The following GCFC2 variants were observed in gnomAD, a reference collection of about 807,000 sequenced individuals.
GCFC2 encodes intron Large complex component GCFC2.
GCFC2 carries 102 observed loss-of-function variants against 99.4 expected under a neutral mutation model. The observed-to-expected ratio is 1.03, with a 90% CI of 0.87 to 1.21. GCFC2 has a LOEUF of 1.21. GCFC2 is among the 50% of genes most tolerant of loss of function. The pLI is 0.00. For missense variants in GCFC2, 973 were observed against 920.9 expected (o/e 1.06, Z -0.73); for synonymous variants, 338 against 316.8 (o/e 1.07, Z -0.71).
At chr2:75,693,394 C>T (rs1023853774) in intron 6 of GCFC2, among the ~76,000 whole-genome samples, 4 of 152,080 alleles carry the variant, frequency 2.6e-5, no homozygotes, top group Non-Finnish European at 5.9e-5. Flanking sequence ...GAGCTGAGAT[C>T]GTGCTACTAC....
chr2:75,673,644 T>C (rs1679222308), intron 12 of GCFC2, 124 bp from the exon 13 acceptor site: 1 of 618,438 alleles, frequency 1.6e-6, no homozygotes, highest in Non-Finnish European at 2.9e-6. Flanking sequence ...AAAATAACTA[T>C]CAATTGGGTA....
chr2:75,699,168 A>T (rs1330102440), intron 4 of GCFC2, among the ~76,000 whole-genome samples: 1 of 152,208 alleles, frequency 6.6e-6, no homozygotes, highest in Non-Finnish European at 1.5e-5. Flanking sequence ...AGGTCTGAAA[A>T]GTCATGCAAT....
rs754466442 is a variant in GCFC2, at chr2:75,689,947, T to C, written c.1339+22A>G. The C allele has an allele frequency of 4.9e-6, 6 of 1,234,920 alleles. No individual in the cohort carries two copies. In the East Asian group the frequency reaches 1.4e-4, roughly 29 times the overall value. The allele number at this position is 1,234,920 out of a possible 1,614,324, so 76.5% of individuals were successfully genotyped here. A position where few individuals can be genotyped will look rare whatever the true frequency, so the allele number is the denominator to read the frequency against. ...CCATTTCAAAACTCAAACCATGATATATTAGAAACTTGGTAACTGACCTTG... is the reference window on the plus strand; with the variant it reads ...CCATTTCAAAACTCAAACCATGATACATTAGAAACTTGGTAACTGACCTTG... On this transcript the variant is annotated intron_variant, in intron 9 of 16. Transcript: ENST00000321027.
At position 75,689,976 on chromosome 2, in the gene GCFC2, T is replaced by G. The variant is rs1679989334; in HGVS notation, c.1332A>C (p.Lys444Asn). Residue 444 changes from lysine (K) to asparagine (N), a missense_variant, in exon 9 of 17, where the codon AAA becomes AAC. Transcript: ENST00000321027. ...AGAAACTTGGTAACTGACCTTGGCT[T>G]TTTTGGAAGTCAATCATCTCTGCTG... The part of the protein sequence containing the change: ...LPSAEMIDFQ[K>N]SQGDILQKQK... 6.4e-7 allele frequency: 1 copy of G among 1,573,214 alleles called. No homozygotes were observed. The highest frequency in any genetic ancestry group is 8.7e-7 in the Non-Finnish European group (1 of 1,148,398).
intron 11 of GCFC2, among the ~76,000 whole-genome samples, chr2:75,687,542 G>T (rs1461092225): frequency 1.3e-5 from 2 of 152,148 alleles, no homozygotes; most frequent in African/African-American, 4.8e-5. Context: ...GCCAAGTAAA[G>T]ACAGTGTTTC....
At position 75,690,084 on chromosome 2, in the gene GCFC2, A is replaced by C; in HGVS notation, c.1227-3T>G. ...CCCTTGCTTGTCTTCTTTTTGTCCT[A>C]TATTTTGCAACAAACCAAAAATAAA... On this transcript the variant is annotated splice_polypyrimidine_tract_variant and splice_region_variant and intron_variant, in intron 8 of 16. Transcript: ENST00000321027. 1 of 1,561,460 alleles carries C rather than the reference A, an allele frequency of 6.4e-7. No homozygotes were observed. Among genetic ancestry groups the C allele is most frequent in the Non-Finnish European group, 8.7e-7 (1 of 1,143,054 alleles).
At chr2:75,710,420 T>C in intron 1 of GCFC2, 171 bp downstream of exon 1, 1 of 1,360,304 alleles carries the variant, frequency 7.4e-7, no homozygotes, top group Non-Finnish European at 9.4e-7. Context: ...GGGCAAGTGC[T>C]CGAGCTATTT....
chr2:75,701,064 T>C (rs1230590063), intron 4 of GCFC2, 126 bp downstream of exon 4: 2 of 622,256 alleles, frequency 3.2e-6, no homozygotes, highest in African/African-American at 1.9e-5. Context: ...TGCCAATACC[T>C]TGACTTCAGA....
At chr2:75,706,373 T>C in intron 2 of GCFC2, 150 bp downstream of exon 2, 1 of 573,174 alleles carries the variant, frequency 1.7e-6, no homozygotes, top group East Asian at 2.9e-5. Flanking sequence ...TGTTAAAATG[T>C]AATAAAAATG....
rs1280190079 is a variant in GCFC2, at chr2:75,696,278, G to A, written c.755C>T (p.Ser252Leu). Reference sequence around the variant, plus strand: ...GGAAGTATCAAATTTCTTCACTTTTGAAGATCCATTGCCACAGGAAAGATC... The same window carrying A: ...GGAAGTATCAAATTTCTTCACTTTTAAAGATCCATTGCCACAGGAAAGATC... Reference protein sequence around the residue: ...DIDLSCGNGSSKVKKFDTSIS... With the variant: ...DIDLSCGNGSLKVKKFDTSIS... The change falls in exon 5 of 17, where the codon TCA (serine) becomes TTA (leucine). Residue 252 changes from serine to leucine, a missense_variant. Physicochemically the swap from Ser to Leu is moderately radical, Grantham distance 145. Transcript: ENST00000321027. The A allele has an allele frequency of 4.0e-6, 6 of 1,511,226 alleles. No homozygotes were observed. The highest frequency in any genetic ancestry group is 5.5e-6 in the Non-Finnish European group (6 of 1,088,080). The allele number at this position is 1,511,226 out of a possible 1,614,324, so 93.6% of individuals were successfully genotyped here. A position where few individuals can be genotyped will look rare whatever the true frequency, so the allele number is the denominator to read the frequency against.
intron 7 of GCFC2, 76 bp downstream of exon 7, chr2:75,691,901 A>G: frequency 1.3e-6 from 1 of 791,972 alleles, no homozygotes; most frequent in Non-Finnish European, 1.7e-6. Context: ...ATGTTTATAA[A>G]AATAAAAATA....
In GCFC2 at chr2:75,663,725, T is replaced by C. The variant is rs1479777241; in HGVS notation, c.*941A>G. ...AATTACAAAAATCAGCTGGGCATGG[T>C]GGCGCATGCCTATAGTCCCAGCTAC... On this transcript the variant is annotated 3_prime_UTR_variant, in exon 17 of 17. Coordinates refer to ENST00000321027, the MANE Select transcript of GCFC2 (RefSeq NM_003203.5). 6.6e-6 allele frequency: 1 copy of C among 152,218 alleles called. No homozygotes were observed. The highest frequency in any genetic ancestry group is 1.5e-5 in the Non-Finnish European group (1 of 68,160). 9.4% of individuals were successfully genotyped at this position (152,218 alleles called of 1,614,324 possible). A position where few individuals can be genotyped will look rare whatever the true frequency, so the allele number is the denominator to read the frequency against.
intron 4 of GCFC2, among the ~76,000 whole-genome samples, chr2:75,700,255 A>G (rs1011576312): frequency 6.6e-6 from 1 of 152,164 alleles, no homozygotes; most frequent in Non-Finnish European, 1.5e-5. Context: ...TACATCTTTT[A>G]AAAAATTAAA....
intron 14 of GCFC2, among the ~76,000 whole-genome samples, chr2:75,670,997 A>G (rs1573043822): frequency 6.6e-6 from 1 of 152,166 alleles, no homozygotes; most frequent in East Asian, 1.9e-4. Flanking sequence ...ATTAATTCAC[A>G]CTATTAAAAC....
At chr2:75,710,259 C>T (rs1477532428) in intron 1 of GCFC2, among the ~76,000 whole-genome samples, 2 of 152,156 alleles carry the variant, frequency 1.3e-5, no homozygotes, top group Non-Finnish European at 1.5e-5. Context: ...AATTATTGAA[C>T]TTTGTTGTGA....
At chr2:75,710,082 T>C (rs1681072846) in intron 1 of GCFC2, among the ~76,000 whole-genome samples, 1 of 152,194 alleles carries the variant, frequency 6.6e-6, no homozygotes, top group South Asian at 2.1e-4. Flanking sequence ...GTGTTGTATA[T>C]ATTACTATTA....
chr2:75,692,092 G>A lies in GCFC2; in HGVS notation c.1029C>T (p.Asn343=), dbSNP rs867639195. Residue 343 remains asparagine, a synonymous_variant, in exon 7 of 17, where the codon AAC becomes AAT. Coordinates refer to ENST00000321027, the MANE Select transcript of GCFC2 (RefSeq NM_003203.5). ...LIDCLNEKII[N]IQEIESSMHA... Reference sequence around the variant, plus strand: ...GCATGGATGATTCTATTTCTTGGATGTTGATAATCTGAAATACACATATAA... The same window carrying A: ...GCATGGATGATTCTATTTCTTGGATATTGATAATCTGAAATACACATATAA... 1.4e-6 allele frequency: 2 copies of A among 1,470,548 alleles called. No homozygotes were observed. The highest frequency in any genetic ancestry group is 1.8e-6 in the Non-Finnish European group (2 of 1,090,224). 91.1% of individuals were successfully genotyped at this position (1,470,548 alleles called of 1,614,324 possible).
At chr2:75,701,906 C>T (rs777443761) in intron 3 of GCFC2, 73 of 1,120,568 alleles carry the variant, frequency 6.5e-5, no homozygotes, top group Admixed American at 9.0e-5. Context: ...CAGGTAAAAA[C>T]GATCGTTTTC....
rs569959700 is a variant in GCFC2 at position 75,701,950 on chromosome 2, T to C, written c.619+249A>G. On this transcript the variant is annotated intron_variant, in intron 3 of 16. Transcript: ENST00000321027. ...GAAAGTAAGATACTGCACATTTTTT[T>C]TAACCTGTCCAAAAACATCAAGGTG... 4.0e-6 allele frequency: 5 copies of C among 1,247,066 alleles called. No homozygotes were observed. The African/African-American group carries it at 7.7e-5, about 19-fold the overall frequency. The allele number at this position is 1,247,066 out of a possible 1,614,324, so 77.3% of individuals were successfully genotyped here.
Sources: allele counts gnomAD v4.1 joint callset (sites outside exome capture counted in the v4.1 genomes callset), GRCh38; gene constraint gnomAD v4.1.1; transcripts MANE v1.5; gene names NCBI Gene and HGNC (gene_info 2026-07-23, HGNC 2026-07-21).